The following CALN1 variants were observed in gnomAD, a reference collection of about 807,000 sequenced individuals.
The protein encoded by CALN1 is calneuron 1, also known as calcium-binding protein 8.
In CALN1, 17 loss-of-function variants were observed where a neutral mutation model predicts 30.6. That is an observed-to-expected ratio of 0.56 (90% CI 0.38 to 0.83). CALN1 has a LOEUF of 0.83. Ranked by LOEUF, CALN1 falls within the 40% of genes least tolerant of loss-of-function variation. CALN1 has a pLI of 0.00. For synonymous variants in CALN1, 156 were observed against 131.4 expected, an observed-to-expected ratio of 1.19 and a Z score of -1.28; for missense variants, 291 against 354.9, an observed-to-expected ratio of 0.82 and a Z score of 1.45.
At chr7:71,916,225 G>A (rs1233950545) in intron 5 of CALN1, among the ~76,000 whole-genome samples, 3 of 151,960 alleles carry the variant, frequency 2.0e-5, no homozygotes, top group African/African-American at 7.3e-5. Flanking sequence ...ATATACTAGC[G>A]ATATAAACAT....
chr7:72,295,410 G>C (rs1798784233), intron 2 of CALN1, among the ~76,000 whole-genome samples: 1 of 152,052 alleles, frequency 6.6e-6, no homozygotes, highest in Non-Finnish European at 1.5e-5. Flanking sequence ...AAAGGCATTG[G>C]TAGCTTGATG....
Position 72,403,364 on chromosome 7 carries a change from C to T in CALN1, c.6G>A (p.Arg2=), listed in dbSNP as rs894110250. 1 of 1,546,520 alleles carries T rather than the reference C, an allele frequency of 6.5e-7. No homozygotes were observed. Among genetic ancestry groups the T allele is most frequent in the Admixed American group, 2.0e-5 (1 of 50,970 alleles). Residue 2 remains arginine, a synonymous_variant, in exon 2 of 7, where the codon CGG becomes CGA. Coordinates refer to ENST00000395275, the MANE Select transcript of CALN1 (RefSeq NM_031468.4). The part of the protein sequence containing the change: M[R]LPEQPGEGKP... ...TCCCCTCTCCGGGTTGCTCTGGCAG[C>T]CGCATCGGGGGTCCAGGGCGATGTT... is the stretch of plus-strand genomic sequence containing the variant.
intron 2 of CALN1, among the ~76,000 whole-genome samples, chr7:72,377,581 CTTAT>C (rs1164797410): frequency 2.6e-5 from 4 of 151,844 alleles, no homozygotes; most frequent in Non-Finnish European, 4.4e-5. Context: ...GTTGTTGATG[CTTAT>C]TTTAGTTATT....
intron 4 of CALN1, among the ~76,000 whole-genome samples, chr7:72,089,071 T>C (rs1805678549): frequency 6.6e-6 from 1 of 152,220 alleles, no homozygotes. Context: ...GTGTTTCTAA[T>C]ATTATTATAA....
chr7:72,262,622 G>T (rs1796339267), intron 3 of CALN1, among the ~76,000 whole-genome samples: 2 of 152,120 alleles, frequency 1.3e-5, no homozygotes, highest in Non-Finnish European at 2.9e-5. Context: ...TTCTGTTTCT[G>T]CATTAATTCA....
intron 4 of CALN1, among the ~76,000 whole-genome samples, chr7:72,080,809 T>C (rs1016616015): frequency 1.3e-5 from 2 of 152,138 alleles, no homozygotes; most frequent in Admixed American, 1.3e-4. Flanking sequence ...AACCACTCTT[T>C]TACTAGCCCA....
At chr7:72,430,069 C>T (rs1807925116) in intron 1 of CALN1, among the ~76,000 whole-genome samples, 1 of 151,172 alleles carries the variant, frequency 6.6e-6, no homozygotes, top group African/African-American at 2.4e-5. Flanking sequence ...GATCTGCCCA[C>T]CTTGGTCTCC....
chr7:71,905,750 T>C (rs1441719793), intron 5 of CALN1, among the ~76,000 whole-genome samples: 3 of 151,976 alleles, frequency 2.0e-5, no homozygotes, highest in Non-Finnish European at 4.4e-5. Context: ...AAATGCATCA[T>C]TATAAAAAAA....
At chr7:72,082,136 G>A (rs1487929319) in intron 4 of CALN1, among the ~76,000 whole-genome samples, 1 of 152,114 alleles carries the variant, frequency 6.6e-6, no homozygotes, top group African/African-American at 2.4e-5. Context: ...ACAGGCATGT[G>A]CCACCGGGCC....
At chr7:72,429,813 ATG>A (rs1277142246) in intron 1 of CALN1, among the ~76,000 whole-genome samples, 5 of 150,266 alleles carry the variant, frequency 3.3e-5, no homozygotes, top group Non-Finnish European at 5.9e-5. Flanking sequence ...GTATATATGT[ATG>A]TGTGTGTCTA....
At chr7:72,279,535 C>G (rs498441) in intron 2 of CALN1, among the ~76,000 whole-genome samples, 1,597 of 152,250 alleles carry the variant, frequency 0.01, 26 homozygotes, top group African/African-American at 0.036. Context: ...CATCCTTCTA[C>G]GCCAATAGAA....
chr7:71,852,308 G>A (rs1790692334), intron 5 of CALN1, among the ~76,000 whole-genome samples: 1 of 151,974 alleles, frequency 6.6e-6, no homozygotes, highest in Non-Finnish European at 1.5e-5. Flanking sequence ...GGAGAAGAAT[G>A]TTTGGGTTAA....
intron 3 of CALN1, among the ~76,000 whole-genome samples, chr7:72,203,970 G>C (rs189134993): frequency 7.2e-6 from 1 of 139,826 alleles, no homozygotes; most frequent in Non-Finnish European, 1.5e-5. Flanking sequence ...TCATATAAGA[G>C]GCCTCTCTCT....
intron 2 of CALN1, among the ~76,000 whole-genome samples, chr7:72,314,779 AT>A (rs1324746306): frequency 6.6e-6 from 1 of 151,734 alleles, no homozygotes; most frequent in African/African-American, 2.4e-5. Context: ...ATGGGGAGGA[AT>A]TTTCTAAACA....
chr7:72,160,954 G>C (rs1204453117), intron 3 of CALN1, among the ~76,000 whole-genome samples: 2 of 152,142 alleles, frequency 1.3e-5, no homozygotes, highest in East Asian at 1.9e-4. Flanking sequence ...TTGTTTGAAG[G>C]GATGACCACG....
chr7:72,445,100 A>G (rs1251866246), intron 1 of CALN1, among the ~76,000 whole-genome samples: 1 of 139,530 alleles, frequency 7.2e-6, no homozygotes, highest in Non-Finnish European at 1.6e-5. Flanking sequence ...ACACACACAC[A>G]CACACAACAT....
intron 5 of CALN1, among the ~76,000 whole-genome samples, chr7:71,863,915 C>G (rs1270842121): frequency 1.3e-5 from 2 of 152,194 alleles, no homozygotes; most frequent in African/African-American, 2.4e-5. Context: ...CACTGGATGT[C>G]TGTATCGAAT....
At chr7:72,068,167 C>T (rs1374568453) in intron 4 of CALN1, among the ~76,000 whole-genome samples, 2 of 152,068 alleles carry the variant, frequency 1.3e-5, no homozygotes, top group Non-Finnish European at 2.9e-5. Context: ...GAGCAATTTC[C>T]CTACTTTTTA....
At chr7:71,860,027 A>G (rs1791179691) in intron 5 of CALN1, among the ~76,000 whole-genome samples, 1 of 152,180 alleles carries the variant, frequency 6.6e-6, no homozygotes, top group Non-Finnish European at 1.5e-5. Flanking sequence ...CAATTCTTGC[A>G]AATATAGTAA....
Sources: allele counts gnomAD v4.1 joint callset (sites outside exome capture counted in the v4.1 genomes callset), GRCh38; gene constraint gnomAD v4.1.1; transcripts MANE v1.5; gene names NCBI Gene and HGNC (gene_info 2026-07-23, HGNC 2026-07-21).